GRB10: variants seen among roughly 807,000 people sequenced by gnomAD.
GRB10 encodes the protein growth factor receptor-bound protein 10.
GRB10 carries 20 observed loss-of-function variants against 80.9 expected under a neutral mutation model. The ratio of observed to expected loss-of-function variants is 0.25; its 90% CI spans 0.17 to 0.36. The LOEUF (loss-of-function observed/expected upper bound fraction) is 0.36. Among genes scored for constraint, GRB10 ranks in the 10% least tolerant of loss-of-function variants. The pLI is 1.00. For missense variants in GRB10, 548 were observed against 747.7 expected, an observed-to-expected ratio of 0.73 and a Z score of 3.12; for synonymous variants, 291 against 291.5, an observed-to-expected ratio of 1.00 and a Z score of 0.02.
chr7:50,688,522 G>C (rs2062382121), intron 5 of GRB10, among the ~76,000 whole-genome samples: 1 of 152,164 alleles, frequency 6.6e-6, no homozygotes, highest in South Asian at 2.1e-4. Context: ...GCAGCCCATA[G>C]ACAAAGGCCG....
intron 7 of GRB10, among the ~76,000 whole-genome samples, chr7:50,645,846 GAGA>G (rs1169201301): frequency 1.3e-5 from 2 of 152,220 alleles, no homozygotes; most frequent in Non-Finnish European, 2.9e-5. Context: ...CCTAGGCAGT[GAGA>G]AGAATTGGTC....
intron 7 of GRB10, among the ~76,000 whole-genome samples, chr7:50,629,652 G>A (rs2053634765): frequency 6.6e-6 from 1 of 152,218 alleles, no homozygotes; most frequent in South Asian, 2.1e-4. Context: ...AACGCGTAGA[G>A]CTACTGATGA....
intron 13 of GRB10, 67 bp from the exon 14 acceptor site, chr7:50,606,481 C>G: frequency 8.8e-7 from 1 of 1,140,122 alleles, no homozygotes; most frequent in African/African-American, 1.5e-5. Flanking sequence ...TGACAAACGC[C>G]ACAGCAGGAA....
In GRB10 at chr7:50,780,398, G is replaced by T. The variant is rs151136449; in HGVS notation, c.-217+229C>A. Among the ~76,000 whole-genome samples the T allele has an allele frequency of 4.6e-5, 7 of 152,262 alleles. No individual in the cohort carries two copies. The East Asian group carries it at 1.4e-3, about 29-fold the overall frequency. ...TCCTAGGGTCCACAGGACTCATACT[G>T]CCTCAAGGCCTCCCCTCATTCTGCC... On this transcript the variant is annotated intron_variant, in intron 2 of 18. Coordinates refer to ENST00000401949, the MANE Select transcript of GRB10 (RefSeq NM_001350814.2).
chr7:50,743,648 G>T (rs764536286), intron 3 of GRB10, among the ~76,000 whole-genome samples: 3 of 152,232 alleles, frequency 2.0e-5, no homozygotes, highest in Non-Finnish European at 2.9e-5. Flanking sequence ...CGCAAATCCA[G>T]AGCCTGAGTC....
rs140009788 is a variant in GRB10 at position 50,750,935 on chromosome 7, T to A, written c.-47+4952A>T. On this transcript the variant is annotated intron_variant, in intron 3 of 18. Coordinates refer to ENST00000401949, the MANE Select transcript of GRB10 (RefSeq NM_001350814.2). ...GAGGACAGCTCTCCCAGGAATCATC[T>A]CTACCCACCTAGGACGTGAGTGGAG... is the stretch of plus-strand genomic sequence containing the variant. Among the ~76,000 whole-genome samples the A allele has an allele frequency of 3.1e-4, 47 of 152,262 alleles. No individual in the cohort carries two copies. In the East Asian group the frequency reaches 8.5e-3, roughly 28 times the overall value.
intron 3 of GRB10, among the ~76,000 whole-genome samples, chr7:50,743,462 C>T (rs2072270765): frequency 6.6e-6 from 1 of 152,242 alleles, no homozygotes; most frequent in Admixed American, 6.5e-5. Context: ...AAGCACAGCA[C>T]CACTTTACGG....
chr7:50,605,136 AG>A (rs768555747), intron 15 of GRB10, 153 bp downstream of exon 15: 76 of 654,840 alleles, frequency 1.2e-4, no homozygotes, highest in Non-Finnish European at 1.6e-4. Flanking sequence ...GGGGCCTAGA[AG>A]GGCCAACTGC....
chr7:50,638,582 CAACAA>C (rs1369154124), intron 7 of GRB10, among the ~76,000 whole-genome samples: 6 of 151,978 alleles, frequency 3.9e-5, no homozygotes, highest in Non-Finnish European at 2.9e-5. Context: ...ACTTAAAAGT[CAACAA>C]AACAAAAGAT....
intron 5 of GRB10, among the ~76,000 whole-genome samples, chr7:50,696,011 G>T (rs1241561335): frequency 6.6e-6 from 1 of 151,886 alleles, no homozygotes; most frequent in African/African-American, 2.4e-5. Context: ...CAGTAAATCT[G>T]AGCATCTTCT....
At chr7:50,783,515 CAT>C (rs1177582753), upstream of GRB10, among the ~76,000 whole-genome samples, 15 of 150,720 alleles carry the variant, frequency 1.0e-4, no homozygotes, top group Admixed American at 2.6e-4. Context: ...CACACACACA[CAT>C]ACACCACACA....
chr7:50,636,706 A>G (rs2055102557), intron 7 of GRB10, among the ~76,000 whole-genome samples: 1 of 152,154 alleles, frequency 6.6e-6, no homozygotes, highest in Non-Finnish European at 1.5e-5. Context: ...ACCCTCAACA[A>G]ACTAGGCACT....
chr7:50,604,518 C>T (rs552993576), intron 15 of GRB10, 141 bp from the exon 16 acceptor site: 1 of 756,192 alleles, frequency 1.3e-6, no homozygotes, highest in Non-Finnish European at 2.4e-6. Context: ...GAAGACCCCA[C>T]TGACCCCTGA....
chr7:50,726,963 T>C (rs1254070050), intron 4 of GRB10: 1 of 152,236 alleles, frequency 6.6e-6, no homozygotes, highest in Non-Finnish European at 1.5e-5. Context: ...TAATCTCATC[T>C]GCAAAGGGGA....
At chr7:50,710,176 T>C (rs557190029) in intron 4 of GRB10, among the ~76,000 whole-genome samples, 1 of 151,996 alleles carries the variant, frequency 6.6e-6, no homozygotes, top group African/African-American at 2.4e-5. Context: ...GTAACAAGGG[T>C]GAATGGATTG....
chr7:50,746,660 TC>T (rs1328468973), intron 3 of GRB10, among the ~76,000 whole-genome samples: 1 of 152,112 alleles, frequency 6.6e-6, no homozygotes, highest in Non-Finnish European at 1.5e-5. Flanking sequence ...ACTCACTTTC[TC>T]CACAAAAGAG....
intron 2 of GRB10, among the ~76,000 whole-genome samples, chr7:50,776,078 A>T (rs551118585): frequency 6.6e-6 from 1 of 152,306 alleles, no homozygotes; most frequent in South Asian, 2.1e-4. Flanking sequence ...CATTATCTTG[A>T]TGAATAGCAT....
At chr7:50,604,919 T>C (rs961265818) in intron 15 of GRB10, 2 of 306,380 alleles carry the variant, frequency 6.5e-6, no homozygotes, top group Non-Finnish European at 1.2e-5. Context: ...TCCAGGCTGT[T>C]AGTAGCAGAC....
At chr7:50,697,146 T>G (rs1587016569) in intron 5 of GRB10, among the ~76,000 whole-genome samples, 1 of 152,180 alleles carries the variant, frequency 6.6e-6, no homozygotes, top group East Asian at 1.9e-4. Context: ...TACCAGGGAC[T>G]GGGGAGAATT....
Sources: gnomAD v4.1 joint callset for allele counts (sites outside exome capture counted in the v4.1 genomes callset) on GRCh38, gnomAD v4.1.1 for gene constraint, MANE v1.5 for transcripts, NCBI Gene and HGNC (gene_info 2026-07-23, HGNC 2026-07-21) for gene names.